The following NXPH2 variants were observed in gnomAD, a reference collection of about 807,000 sequenced individuals.
NXPH2 encodes the protein neurexophilin 2, also known as neurexophilin-2.
Under a neutral mutation model 19.8 loss-of-function variants are expected in NXPH2, and 5 were observed. That is an observed-to-expected ratio of 0.25 (90% CI 0.13 to 0.53). The LOEUF (loss-of-function observed/expected upper bound fraction) is 0.53, where lower values mean the gene tolerates loss of function less well. Among genes scored for constraint, NXPH2 ranks in the 20% least tolerant of loss-of-function variants. NXPH2 has a pLI of 0.96. For missense variants in NXPH2, 289 were observed against 322.8 expected, an observed-to-expected ratio of 0.90 and a Z score of 0.80; for synonymous variants, 154 against 127.4, an observed-to-expected ratio of 1.21 and a Z score of -1.41.
At chr2:138,773,931 T>G (rs150920163) in intron 1 of NXPH2, among the ~76,000 whole-genome samples, 1 of 152,328 alleles carries the variant, frequency 6.6e-6, no homozygotes, top group African/African-American at 2.4e-5. Context: ...TTGGCAATTT[T>G]CTCCATCTTT....
chr2:138,686,724 C>T (rs572121722), intron 1 of NXPH2, among the ~76,000 whole-genome samples: 7 of 152,214 alleles, frequency 4.6e-5, no homozygotes, highest in Middle Eastern at 3.4e-3. Flanking sequence ...ACAACAGGCC[C>T]CAGTGTGTGA....
At chr2:138,700,931 G>A (rs1392275183) in intron 1 of NXPH2, among the ~76,000 whole-genome samples, 2 of 152,088 alleles carry the variant, frequency 1.3e-5, no homozygotes, top group African/African-American at 2.4e-5. Flanking sequence ...TGAGCAAGAC[G>A]TGGTGCTGGA....
chr2:138,683,453 T>C (rs966382222), intron 1 of NXPH2, among the ~76,000 whole-genome samples: 1 of 152,216 alleles, frequency 6.6e-6, no homozygotes, highest in African/African-American at 2.4e-5. Flanking sequence ...CATGCCATTT[T>C]CGGCAGAGTT....
chr2:138,750,093 C>A (rs1291040954), intron 1 of NXPH2, among the ~76,000 whole-genome samples: 1 of 152,150 alleles, frequency 6.6e-6, no homozygotes, highest in Non-Finnish European at 1.5e-5. Context: ...GGGATACATA[C>A]ACGATGATGT....
chr2:138,692,875 C>T (rs933165018), intron 1 of NXPH2, among the ~76,000 whole-genome samples: 2 of 152,116 alleles, frequency 1.3e-5, no homozygotes, highest in East Asian at 1.9e-4. Context: ...TACTCTGTCT[C>T]GAAATCTAAG....
rs2104961936 is a variant in NXPH2 at position 138,669,936 on chromosome 2, A to T, written c.*986T>A. 2.0e-5 allele frequency among the ~76,000 whole-genome samples: 3 copies of T among 152,322 alleles called. No individual in the cohort carries two copies. The South Asian group carries it at 6.2e-4, about 32-fold the overall frequency. ...TCAAATATTAACTAAATGCAAGGGG[A>T]ACTTAATCTGGGAGGCTAGAAATAA... On this transcript the variant is annotated 3_prime_UTR_variant, in exon 2 of 2. Coordinates refer to ENST00000272641, the MANE Select transcript of NXPH2 (RefSeq NM_007226.3).
intron 1 of NXPH2, among the ~76,000 whole-genome samples, chr2:138,754,490 C>G (rs1453739436): frequency 1.3e-5 from 2 of 152,142 alleles, no homozygotes; most frequent in African/African-American, 2.4e-5. Flanking sequence ...ATTAAAGGTT[C>G]ATTTATACAT....
At chr2:138,759,019 G>A (rs1432381698) in intron 1 of NXPH2, among the ~76,000 whole-genome samples, 1 of 152,162 alleles carries the variant, frequency 6.6e-6, no homozygotes, top group African/African-American at 2.4e-5. Flanking sequence ...TGCTGGGGGA[G>A]TAATAGATTG....
At chr2:138,688,868 G>A (rs1462181985) in intron 1 of NXPH2, among the ~76,000 whole-genome samples, 1 of 152,112 alleles carries the variant, frequency 6.6e-6, no homozygotes, top group African/African-American at 2.4e-5. Flanking sequence ...TACTCCTATA[G>A]TAGCACCTGA....
chr2:138,711,672 C>G (rs1435883848), intron 1 of NXPH2, among the ~76,000 whole-genome samples: 1 of 152,120 alleles, frequency 6.6e-6, no homozygotes, highest in African/African-American at 2.4e-5. Flanking sequence ...GCAGTTCAGG[C>G]CTCCCACAAA....
At chr2:138,731,942 T>G (rs1259258132) in intron 1 of NXPH2, among the ~76,000 whole-genome samples, 2 of 152,222 alleles carry the variant, frequency 1.3e-5, no homozygotes, top group Admixed American at 6.5e-5. Flanking sequence ...TGCCTGAACC[T>G]TTGATCCATA....
chr2:138,701,734 A>C (rs1396753392), intron 1 of NXPH2, among the ~76,000 whole-genome samples: 1 of 152,198 alleles, frequency 6.6e-6, no homozygotes, highest in East Asian at 1.9e-4. Flanking sequence ...TGAATAAGAC[A>C]CATATCTTTC....
intron 1 of NXPH2, among the ~76,000 whole-genome samples, chr2:138,730,841 G>A (rs2104999547): frequency 6.6e-6 from 1 of 152,248 alleles, no homozygotes; most frequent in East Asian, 1.9e-4. Flanking sequence ...TAACAAATTG[G>A]TTGCTGTTTT....
At chr2:138,672,708 C>T (rs1227487865) in intron 1 of NXPH2, among the ~76,000 whole-genome samples, 1 of 152,146 alleles carries the variant, frequency 6.6e-6, no homozygotes, top group Non-Finnish European at 1.5e-5. Context: ...ACTGTCAGCA[C>T]GATGAAATGG....
chr2:138,676,710 A>C (rs1680489136), intron 1 of NXPH2, among the ~76,000 whole-genome samples: 1 of 152,218 alleles, frequency 6.6e-6, no homozygotes, highest in Admixed American at 6.5e-5. Flanking sequence ...TCCATGGTCC[A>C]ATGGATAATC....
At chr2:138,693,636 G>C (rs1162897342) in intron 1 of NXPH2, among the ~76,000 whole-genome samples, 2 of 151,710 alleles carry the variant, frequency 1.3e-5, no homozygotes, top group Non-Finnish European at 2.9e-5. Flanking sequence ...AACTATAAGA[G>C]AGCTGTATTG....
chr2:138,707,324 C>A (rs917326535), intron 1 of NXPH2, among the ~76,000 whole-genome samples: 1 of 152,036 alleles, frequency 6.6e-6, no homozygotes, highest in Non-Finnish European at 1.5e-5. Context: ...ACTTGATATG[C>A]CCTCAAAGGA....
At chr2:138,721,281 C>T (rs6749951) in intron 1 of NXPH2, among the ~76,000 whole-genome samples, 36,195 of 151,170 alleles carry the variant, frequency 0.24, 5,068 homozygotes, top group East Asian at 0.54. Context: ...GTGGAGGTTG[C>T]AGTGAGCCGA....
Position 138,702,444 on chromosome 2 carries a change from C to T in NXPH2, c.52-30779G>A, listed in dbSNP as rs555363778. ...CTGTTTCTTTTTCTGTTAGTGTATT[C>T]CATACTTAGGTCCTGACTTGAATAA... On this transcript the variant is annotated intron_variant, in intron 1 of 1. Coordinates refer to ENST00000272641, the MANE Select transcript of NXPH2 (RefSeq NM_007226.3). 4.6e-5 allele frequency among the ~76,000 whole-genome samples: 7 copies of T among 152,238 alleles called. No homozygotes were observed. In the South Asian group the frequency reaches 1.5e-3, roughly 32 times the overall value.
Sources: gnomAD v4.1 joint callset for allele counts (sites outside exome capture counted in the v4.1 genomes callset) on GRCh38, gnomAD v4.1.1 for gene constraint, MANE v1.5 for transcripts, NCBI Gene and HGNC (gene_info 2026-07-23, HGNC 2026-07-21) for gene names.